The following AK5 variants were observed in gnomAD, a reference collection of about 807,000 sequenced individuals.
AK5 encodes the protein adenylate kinase isoenzyme 5.
Under a neutral mutation model 69.5 loss-of-function variants are expected in AK5, and 27 were observed. The ratio of observed to expected loss-of-function variants is 0.39; its 90% CI spans 0.29 to 0.54. AK5 has a LOEUF of 0.54. Among genes scored for constraint, AK5 ranks in the 20% least tolerant of loss-of-function variants. The pLI is 0.71. For missense variants in AK5, 531 were observed against 700.4 expected (o/e 0.76, Z 2.73); for synonymous variants, 260 against 244.4 (o/e 1.06, Z -0.60).
intron 8 of AK5, among the ~76,000 whole-genome samples, chr1:77,427,997 T>C (rs892621621): frequency 2.1e-4 from 32 of 152,354 alleles, no homozygotes; most frequent in African/African-American, 7.5e-4. Flanking sequence ...ATGAAGGATC[T>C]GCCTCCATGA....
intron 8 of AK5, among the ~76,000 whole-genome samples, chr1:77,445,445 C>T (rs2803165): frequency 0.38 from 57,886 of 151,948 alleles, 11,449 homozygotes; most frequent in South Asian, 0.59. Context: ...AAATGTCTAT[C>T]CAAGTCCTTT....
rs554028246 is a variant in AK5, at chr1:77,347,326, T to C, written c.891+6758T>C. On this transcript the variant is annotated intron_variant, in intron 6 of 13. Coordinates refer to ENST00000354567, the MANE Select transcript of AK5 (RefSeq NM_174858.3). ...AACATGAGAAATACCGTATCCATTT[T>C]TGACTGGAATAAAGAGCAGCTTAAA... Among the ~76,000 whole-genome samples, 7 of 152,332 alleles carry C rather than the reference T, an allele frequency of 4.6e-5. No homozygotes were observed. In the South Asian group the frequency reaches 6.2e-4, roughly 14 times the overall value.
At chr1:77,537,382 G>A (rs1170484880) in intron 13 of AK5, among the ~76,000 whole-genome samples, 2 of 152,148 alleles carry the variant, frequency 1.3e-5, no homozygotes, top group African/African-American at 4.8e-5. Flanking sequence ...ATCATATGTA[G>A]GAGCAAATAA....
chr1:77,282,991 G>A (rs1331116214), intron 1 of AK5: 1 of 985,430 alleles, frequency 1.0e-6, no homozygotes, highest in African/African-American at 1.7e-5. Flanking sequence ...CGTTGCCTAG[G>A]AAGGGTTGGG....
chr1:77,527,448 AGAG>A (rs1658352349), intron 12 of AK5, among the ~76,000 whole-genome samples: 1 of 152,260 alleles, frequency 6.6e-6, no homozygotes, highest in South Asian at 2.1e-4. Context: ...AGAATGTGGC[AGAG>A]AAGAAGCCTA....
Position 77,558,919 on chromosome 1 carries a change from A to G in AK5, c.*249A>G. ...ACAACTGTCTGCACTCACGGCACAC[A>G]CACTTTGTATCATGCAGGCCACACT... On this transcript the variant is annotated 3_prime_UTR_variant, in exon 14 of 14. Coordinates refer to ENST00000354567, the MANE Select transcript of AK5 (RefSeq NM_174858.3). The G allele has an allele frequency of 2.4e-6, 1 of 412,906 alleles. No individual in the cohort carries two copies. The highest frequency in any genetic ancestry group is 2.9e-5 in the South Asian group (1 of 33,908). The allele number at this position is 412,906 out of a possible 1,614,324, so 25.6% of individuals were successfully genotyped here. A position where few individuals can be genotyped will look rare whatever the true frequency, so the allele number is the denominator to read the frequency against.
At chr1:77,436,286 TCTC>T (rs1651954842) in intron 8 of AK5, among the ~76,000 whole-genome samples, 2 of 152,062 alleles carry the variant, frequency 1.3e-5, no homozygotes, top group African/African-American at 4.8e-5. Context: ...TCTTATAACT[TCTC>T]CTCCCAAAAC....
chr1:77,391,584 A>G (rs945321753), intron 6 of AK5, among the ~76,000 whole-genome samples: 3 of 147,224 alleles, frequency 2.0e-5, no homozygotes, highest in Non-Finnish European at 3.0e-5. Flanking sequence ...TTAATAGCTA[A>G]TGGGTGAATG....
At chr1:77,352,998 A>C (rs945274483) in intron 6 of AK5, among the ~76,000 whole-genome samples, 2 of 152,214 alleles carry the variant, frequency 1.3e-5, no homozygotes, top group African/African-American at 4.8e-5. Context: ...TTATCTTCTC[A>C]GAGATTCTTC....
intron 10 of AK5, among the ~76,000 whole-genome samples, chr1:77,497,992 C>T (rs755656327): frequency 3.3e-5 from 5 of 152,134 alleles, no homozygotes; most frequent in South Asian, 4.1e-4. Flanking sequence ...TGGCTATAGA[C>T]ACAGATGTGA....
At chr1:77,451,336 A>G (rs1165241016) in intron 8 of AK5, among the ~76,000 whole-genome samples, 1 of 152,206 alleles carries the variant, frequency 6.6e-6, no homozygotes, top group African/African-American at 2.4e-5. Context: ...TTTGCATTTA[A>G]TAATATAGAA....
intron 6 of AK5, among the ~76,000 whole-genome samples, chr1:77,399,563 G>T (rs1261488465): frequency 1.3e-5 from 2 of 152,128 alleles, no homozygotes; most frequent in African/African-American, 4.8e-5. Flanking sequence ...GCTAAGCTGG[G>T]CCCATGTGTG....
intron 8 of AK5, among the ~76,000 whole-genome samples, chr1:77,482,885 A>G (rs1051342243): frequency 2.0e-5 from 3 of 151,158 alleles, no homozygotes; most frequent in Non-Finnish European, 4.4e-5. Context: ...TAAAATTTGG[A>G]GTTACTCATA....
intron 7 of AK5, among the ~76,000 whole-genome samples, chr1:77,412,539 C>T (rs1331034328): frequency 6.6e-6 from 1 of 152,192 alleles, no homozygotes; most frequent in Non-Finnish European, 1.5e-5. Flanking sequence ...GTGCAGTAAA[C>T]TAGAAGTAAA....
intron 5 of AK5, among the ~76,000 whole-genome samples, chr1:77,330,697 C>T (rs1311533134): frequency 6.6e-6 from 1 of 152,216 alleles, no homozygotes; most frequent in African/African-American, 2.4e-5. Flanking sequence ...TCTTGATCTT[C>T]TGCATTTCCA....
intron 8 of AK5, among the ~76,000 whole-genome samples, chr1:77,472,010 C>A (rs1654537119): frequency 6.6e-6 from 1 of 152,138 alleles, no homozygotes; most frequent in Non-Finnish European, 1.5e-5. Flanking sequence ...ATGATAAGTG[C>A]CTTTTAAATG....
intron 8 of AK5, among the ~76,000 whole-genome samples, chr1:77,476,796 G>GAGATC (rs1654963256): frequency 6.6e-6 from 1 of 151,884 alleles, no homozygotes; most frequent in South Asian, 2.1e-4. Flanking sequence ...GTTTTTTTCT[G>GAGATC]AGATCAGATG....
At chr1:77,500,361 T>C (rs1429849149) in intron 10 of AK5, among the ~76,000 whole-genome samples, 1 of 152,146 alleles carries the variant, frequency 6.6e-6, no homozygotes, top group Non-Finnish European at 1.5e-5. Context: ...GCTGGCACCA[T>C]GAGGAAGCAA....
chr1:77,503,252 G>A (rs149125165), intron 10 of AK5, among the ~76,000 whole-genome samples: 1 of 152,296 alleles, frequency 6.6e-6, no homozygotes, highest in Non-Finnish European at 1.5e-5. Context: ...GAAGTGAAAT[G>A]TGCTTTTAGT....
Sources: allele counts gnomAD v4.1 joint callset (sites outside exome capture counted in the v4.1 genomes callset), GRCh38; gene constraint gnomAD v4.1.1; transcripts MANE v1.5; gene names NCBI Gene and HGNC (gene_info 2026-07-23, HGNC 2026-07-21).